The following TSC2 variants were observed in gnomAD, a reference collection of about 807,000 sequenced individuals.
TSC2 encodes the protein tuberin.
A neutral mutation model predicts 202.2 loss-of-function variants in TSC2; 29 were observed. The ratio of observed to expected loss-of-function variants is 0.14; its 90% CI spans 0.11 to 0.20. The LOEUF is 0.20. Among genes scored for constraint, TSC2 ranks in the 10% least tolerant of loss-of-function variants. The pLI is 1.00. For missense variants in TSC2, 2,429 were observed against 2,420.0 expected (o/e 1.00, Z -0.08); for synonymous variants, 1,349 against 1,044.0 (o/e 1.29, Z -5.63).
intron 37 of TSC2, 46 bp from the exon 38 acceptor site, chr16:2,086,686 C>T (rs374382854): frequency 9.4e-6 from 15 of 1,603,770 alleles, no homozygotes; most frequent in South Asian, 5.5e-5. Flanking sequence ...GCACAGAGGG[C>T]CTCAGCACTG....
Position 2,081,789 on chromosome 16 carries a change from T to C in TSC2, c.3805T>C (p.Ser1269Pro), listed in dbSNP as rs991523072. 2 of 1,612,336 alleles carry C rather than the reference T, an allele frequency of 1.2e-6. No individual in the cohort carries two copies. Among genetic ancestry groups the C allele is most frequent in the Non-Finnish European group, 1.7e-6 (2 of 1,179,964 alleles). ...GGCCAAACCCCCTCCTCTGCCTCGCTCCAACACAGGTGAGTGGCATGGCGG... is the reference window on the plus strand; with the variant it reads ...GGCCAAACCCCCTCCTCTGCCTCGCCCCAACACAGGTGAGTGGCATGGCGG... ...STAKPPPLPR[S>P]NTVASFSSLY... The change falls in exon 31 of 42, where the codon TCC becomes CCC. Residue 1269 changes from serine (S) to proline (P), a missense_variant. Physicochemically the swap from Ser to Pro is moderately conservative, Grantham distance 74. Coordinates refer to ENST00000219476, the MANE Select transcript of TSC2 (RefSeq NM_000548.5).
intron 11 of TSC2, 48 bp from the exon 12 acceptor site, chr16:2,061,823 C>T (rs2086670796): frequency 6.2e-7 from 1 of 1,613,646 alleles, no homozygotes; most frequent in East Asian, 2.2e-5. Context: ...GTGCCAAGTC[C>T]ATGTGGGGAG....
intron 16 of TSC2, among the ~76,000 whole-genome samples, 163 bp from the exon 17 acceptor site, chr16:2,070,293 T>G (rs1049752047): frequency 6.6e-6 from 1 of 152,084 alleles, no homozygotes; most frequent in Non-Finnish European, 1.5e-5. Flanking sequence ...TACTTTTTGC[T>G]GCTGTGGAGA....
chr16:2,075,823 A>C lies in TSC2; in HGVS notation c.2570A>C (p.Tyr857Ser). The C allele has an allele frequency of 1.9e-6, 3 of 1,612,956 alleles. No individual in the cohort carries two copies. Among genetic ancestry groups the C allele is most frequent in the Non-Finnish European group, 2.5e-6 (3 of 1,179,976 alleles). The change falls in exon 23 of 42, where the codon TAC becomes TCC. Residue 857 changes from tyrosine (Y) to serine (S), a missense_variant. By Grantham distance (144) the Tyr-to-Ser change is moderately radical. Coordinates refer to ENST00000219476, the MANE Select transcript of TSC2 (RefSeq NM_000548.5). ...LSTLARLPHLYRNFAAEQYAS... is the reference protein window; with the variant it reads ...LSTLARLPHLSRNFAAEQYAS... ...GCTCTGGCCAGGCTGCCGCACCTCT[A>C]CAGGAACTTTGCCGCGGAGCAGTAT...
chr16:2,084,670 G>C lies in TSC2; in HGVS notation c.4448G>C (p.Arg1483Thr), dbSNP rs370114027. The stretch of plus-strand genomic sequence containing the variant: ...GTAGAGAGGGACGCCTTAAAGAGCA[G>C]AGCCACAGCCTCCAATGCAGAGAAA... ...KRVERDALKS[R>T]ATASNAEKVP... Residue 1483 changes from arginine (R) to threonine (T), a missense_variant, in exon 34 of 42, where the codon AGA (arginine) becomes ACA (threonine). Arg to Thr is a moderately conservative substitution (Grantham distance 71). Coordinates refer to ENST00000219476, the MANE Select transcript of TSC2 (RefSeq NM_000548.5). 39 of 1,598,698 alleles carry C rather than the reference G, an allele frequency of 2.4e-5. No individual in the cohort carries two copies. Among genetic ancestry groups the C allele is most frequent in the Admixed American group, 3.3e-5 (2 of 59,994 alleles).
chr16:2,050,822 C>T (rs551995129), intron 3 of TSC2, among the ~76,000 whole-genome samples: 12 of 151,774 alleles, frequency 7.9e-5, no homozygotes, highest in South Asian at 2.1e-4. Flanking sequence ...CTCCTGACCT[C>T]GTGAACCATA....
At chr16:2,063,145 C>T (rs2086851694) in intron 14 of TSC2, 92 bp downstream of exon 14, 2 of 1,467,050 alleles carry the variant, frequency 1.4e-6, no homozygotes, top group Non-Finnish European at 1.9e-6. Context: ...CAGAGCCGGG[C>T]TCTGCCTGGG....
intron 4 of TSC2, chr16:2,053,825 G>A (rs545671659): frequency 6.7e-5 from 34 of 507,044 alleles, no homozygotes; most frequent in African/African-American, 5.7e-4. Context: ...CATCTGTGCT[G>A]GTCTTGGCTG....
At chr16:2,050,597 AC>A in intron 3 of TSC2, 111 bp downstream of exon 3, 66 of 703,220 alleles carry the variant, frequency 9.4e-5, no homozygotes, top group Non-Finnish European at 1.3e-4. Context: ...TCTGGTTTGC[AC>A]TTTTTTTTTT....
At position 2,072,004 on chromosome 16, in the gene TSC2, G is replaced by A. The variant is rs1412559704; in HGVS notation, c.2097+70G>A. The stretch of plus-strand genomic sequence containing the variant: ...GAGGACAGGGAGCTGCCACCTGCCT[G>A]CTGGGCCTCCCTCCCTGTCTGGCCT... On this transcript the variant is annotated intron_variant, in intron 19 of 41. Coordinates refer to ENST00000219476, the MANE Select transcript of TSC2 (RefSeq NM_000548.5). The A allele has an allele frequency of 2.7e-6, 4 of 1,507,296 alleles. No individual in the cohort carries two copies. The African/African-American group carries it at 4.2e-5, about 16-fold the overall frequency. 93.4% of individuals were successfully genotyped at this position (1,507,296 alleles called of 1,614,324 possible).
Position 2,048,602 on chromosome 16 carries a change from C to T in TSC2, c.-14C>T, listed in dbSNP as rs1309467399. 11 of 1,613,712 alleles carry T rather than the reference C, an allele frequency of 6.8e-6. No homozygotes were observed. Among genetic ancestry groups the T allele is most frequent in the African/African-American group, 2.7e-5 (2 of 75,014 alleles). ...GTTTGCACAGAGGGGTTTTCTGGTG[C>T]GTCCTGGTCCACCATGGCCAAACCA... On this transcript the variant is annotated 5_prime_UTR_variant, in exon 2 of 42. Transcript: ENST00000219476.
At chr16:2,069,442 G>A (rs189652076) in intron 16 of TSC2, among the ~76,000 whole-genome samples, 4 of 151,152 alleles carry the variant, frequency 2.6e-5, no homozygotes, top group East Asian at 1.9e-4. Context: ...TCAGTCTCCT[G>A]AGTAGCTGGG....
chr16:2,057,404 C>G (rs1048337549), intron 9 of TSC2, among the ~76,000 whole-genome samples: 2 of 152,178 alleles, frequency 1.3e-5, no homozygotes, highest in Non-Finnish European at 2.9e-5. Flanking sequence ...CAGTGCCTGC[C>G]CCATGCTCGG....
rs397515026 is a variant in TSC2, at chr16:2,079,494, A to C, written c.3285-63A>C. ...CACCGGCTGTCCCGAGCCCAGGCCC[A>C]CGTGGCACCCTCGTACCAGCCTGGG... On this transcript the variant is annotated intron_variant, in intron 28 of 41. Coordinates refer to ENST00000219476, the MANE Select transcript of TSC2 (RefSeq NM_000548.5). The surrounding 1 kb of genome is among the most constrained non-coding windows in gnomAD (Gnocchi z 4.6). The C allele has an allele frequency of 6.2e-6, 10 of 1,608,230 alleles. No individual in the cohort carries two copies. The Admixed American group carries it at 1.3e-4, about 22-fold the overall frequency.
intron 10 of TSC2, among the ~76,000 whole-genome samples, chr16:2,060,411 A>G (rs990838732): frequency 3.3e-5 from 5 of 152,186 alleles, no homozygotes; most frequent in Non-Finnish European, 7.3e-5. Flanking sequence ...CCGGGTGCCC[A>G]GGATTCAGTT....
chr16:2,080,633 G>C (rs192729507), intron 30 of TSC2: 1 of 502,684 alleles, frequency 2.0e-6, no homozygotes, highest in Non-Finnish European at 3.6e-6. Context: ...ACAGGCGCCC[G>C]CCACCACGCC....
intron 24 of TSC2, 97 bp from the exon 25 acceptor site, chr16:2,076,394 G>A: frequency 6.3e-7 from 1 of 1,589,354 alleles, no homozygotes. Flanking sequence ...CCCCTAGCCT[G>A]CAGCTTGTCC....
rs45517284 is a variant in TSC2, at chr16:2,079,284, T to C, written c.3140T>C (p.Val1047Ala). Residue 1047 changes from valine (V) to alanine (A), a missense_variant, in exon 28 of 42, where the codon GTG becomes GCG. By Grantham distance (64) the Val-to-Ala change is moderately conservative. Coordinates refer to ENST00000219476, the MANE Select transcript of TSC2 (RefSeq NM_000548.5). The surrounding 1 kb of genome is among the most constrained non-coding windows in gnomAD (Gnocchi z 4.6). Reference protein sequence around the residue: ...NFTAVPKRSPVGEFLLAGGRT... With the variant: ...NFTAVPKRSPAGEFLLAGGRT... ...CGCTCCCTGTCTTCTAGGTCTCCTG[T>C]GGGCGAGTTCCTCCTAGCGGGTGGC... 2.8e-4 allele frequency: 456 copies of C among 1,612,974 alleles called. No homozygotes were observed. The highest frequency in any genetic ancestry group is 3.7e-4 in the Non-Finnish European group (440 of 1,180,018).
intron 2 of TSC2, among the ~76,000 whole-genome samples, chr16:2,050,126 T>C (rs2084920401): frequency 6.6e-6 from 1 of 151,894 alleles, no homozygotes; most frequent in African/African-American, 2.4e-5. Context: ...CAGCAAATTT[T>C]TTGTATTTTT....
Sources: allele counts gnomAD v4.1 joint callset (sites outside exome capture counted in the v4.1 genomes callset), GRCh38; gene constraint gnomAD v4.1.1; non-coding constraint Gnocchi (gnomAD v3.1); transcripts MANE v1.5; gene names NCBI Gene and HGNC (gene_info 2026-07-23, HGNC 2026-07-21).